AFAP1: variants seen among roughly 807,000 people sequenced by gnomAD.
AFAP1 encodes actin filament-associated protein 1.
AFAP1 carries 75 observed loss-of-function variants against 93.9 expected under a neutral mutation model. The observed-to-expected ratio is 0.80, with a 90% CI of 0.66 to 0.97. AFAP1 has a LOEUF of 0.97. Among genes scored for constraint, AFAP1 ranks in the 50% least tolerant of loss-of-function variants. The pLI, the probability that AFAP1 is intolerant of heterozygous loss-of-function variation, is 0.00. For missense variants in AFAP1, 1,201 were observed against 1,050.8 expected (o/e 1.14, Z -1.98); for synonymous variants, 517 against 430.7 (o/e 1.20, Z -2.48).
At chr4:7,929,033 C>T (rs1720921091) in intron 1 of AFAP1, among the ~76,000 whole-genome samples, 1 of 152,310 alleles carries the variant, frequency 6.6e-6, no homozygotes, top group South Asian at 2.1e-4. Context: ...TGCCTTCCAC[C>T]GTGGTACCAA....
intron 4 of AFAP1, among the ~76,000 whole-genome samples, chr4:7,853,311 C>A (rs1333409077): frequency 2.6e-5 from 4 of 151,532 alleles, no homozygotes; most frequent in Non-Finnish European, 5.9e-5. Context: ...TGGAATCACA[C>A]TTCCCAAAAT....
At chr4:7,932,075 G>A (rs376199159) in intron 1 of AFAP1, among the ~76,000 whole-genome samples, 18 of 151,732 alleles carry the variant, frequency 1.2e-4, no homozygotes, top group African/African-American at 4.4e-4. Flanking sequence ...AACCAGGATG[G>A]TCTCGATCTC....
At chr4:7,869,968 G>A (rs1470220200) in intron 2 of AFAP1, among the ~76,000 whole-genome samples, 1 of 152,204 alleles carries the variant, frequency 6.6e-6, no homozygotes, top group Non-Finnish European at 1.5e-5. Context: ...AGAGACCAGT[G>A]CTGGAGCTCA....
chr4:7,848,099 A>AAG lies in AFAP1; in HGVS notation c.335-4750_335-4749insCT, dbSNP rs1713955569. Among the ~76,000 whole-genome samples the AAG allele has an allele frequency of 2.7e-3, 313 of 116,118 alleles. 1 individual carries two copies. The highest frequency in any genetic ancestry group is 4.2e-3 in the Non-Finnish European group (251 of 60,350). 76.2% of individuals were successfully genotyped at this position (116,118 alleles called of 152,430 possible). Reference sequence around the variant, plus strand: ...TGGACGGAAGGAGGGAGGGAAGGAAAGAAGGAAGGAAGGAAGGAAGGAAGG... The same window carrying AAG: ...TGGACGGAAGGAGGGAGGGAAGGAAAAGGAAGGAAGGAAGGAAGGAAGGAAGG... On this transcript the variant is annotated intron_variant, in intron 4 of 17. Coordinates refer to ENST00000420658, the MANE Select transcript of AFAP1 (RefSeq NM_001134647.2).
intron 3 of AFAP1, 32 bp from the exon 4 acceptor site, chr4:7,855,606 T>A (rs1714961370): frequency 2.7e-6 from 4 of 1,505,980 alleles, no homozygotes; most frequent in Non-Finnish European, 3.7e-6. Context: ...ACACAGAAAT[T>A]AGCATGACCA....
At chr4:7,889,579 T>G (rs1209549803) in intron 1 of AFAP1, among the ~76,000 whole-genome samples, 1 of 143,382 alleles carries the variant, frequency 7.0e-6, no homozygotes, top group Non-Finnish European at 1.5e-5. Flanking sequence ...AAGGCATACA[T>G]ATAAAAACTA....
chr4:7,920,038 T>C (rs1720351943), intron 1 of AFAP1, among the ~76,000 whole-genome samples: 1 of 152,232 alleles, frequency 6.6e-6, no homozygotes, highest in Admixed American at 6.5e-5. Context: ...CTTTAGTCTA[T>C]CATTGATGGG....
chr4:7,819,220 T>G (rs1405575677), intron 6 of AFAP1, 49 bp from the exon 7 acceptor site: 1 of 1,524,862 alleles, frequency 6.6e-7, no homozygotes, highest in African/African-American at 1.4e-5. Flanking sequence ...GCAGAGATAC[T>G]TAAAGGCTTG....
intron 8 of AFAP1, 53 bp downstream of exon 8, chr4:7,815,959 ATTTTTG>A (rs911269064): frequency 1.4e-6 from 2 of 1,468,754 alleles, no homozygotes; most frequent in Admixed American, 2.0e-5. Flanking sequence ...CTGGCTGTAG[ATTTTTG>A]TTTTTGTTTT....
intron 1 of AFAP1, among the ~76,000 whole-genome samples, chr4:7,899,834 C>A (rs1719011145): frequency 8.0e-6 from 1 of 125,406 alleles, no homozygotes; most frequent in Non-Finnish European, 1.9e-5. Flanking sequence ...TCATACTGGC[C>A]ACCTGAGGGG....
intron 1 of AFAP1, among the ~76,000 whole-genome samples, chr4:7,874,847 CATAA>C (rs1358647656): frequency 2.0e-5 from 3 of 151,940 alleles, no homozygotes; most frequent in Admixed American, 2.0e-4. Context: ...AGTTACTTTT[CATAA>C]ATATATATTA....
chr4:7,850,389 A>G (rs762621248), intron 4 of AFAP1, among the ~76,000 whole-genome samples: 6 of 152,208 alleles, frequency 3.9e-5, no homozygotes, highest in Non-Finnish European at 7.3e-5. Flanking sequence ...CCCACACCCC[A>G]TAACATCAGA....
chr4:7,820,820 A>G (rs1420917730), intron 6 of AFAP1, among the ~76,000 whole-genome samples: 2 of 152,124 alleles, frequency 1.3e-5, no homozygotes, highest in Non-Finnish European at 2.9e-5. Context: ...CTTTCTCAGT[A>G]AGACTATCTG....
intron 12 of AFAP1, 138 bp downstream of exon 12, chr4:7,786,056 T>C (rs1717223894): frequency 1.4e-6 from 1 of 703,352 alleles, no homozygotes; most frequent in Non-Finnish European, 2.4e-6. Context: ...AGAACAGAGA[T>C]GAGATGGAGT....
intron 16 of AFAP1, among the ~76,000 whole-genome samples, chr4:7,769,525 G>A (rs771128756): frequency 6.6e-6 from 1 of 152,202 alleles, no homozygotes; most frequent in Non-Finnish European, 1.5e-5. Flanking sequence ...AGTGTTTACG[G>A]CAGCTTCCAT....
rs564080272 is a variant in AFAP1 at position 7,924,621 on chromosome 4, A to G, written c.-3+15035T>C. On this transcript the variant is annotated intron_variant, in intron 1 of 17. Coordinates refer to ENST00000420658, the MANE Select transcript of AFAP1 (RefSeq NM_001134647.2). ...CAGTGTATCCAATTTGTCATTTGAT[A>G]TTTTTACTGACAAGAAAAATGAGGG... Among the ~76,000 whole-genome samples the G allele has an allele frequency of 9.6e-4, 146 of 152,276 alleles. 1 individual carries two copies. The highest frequency in any genetic ancestry group is 3.4e-3 in the African/African-American group (141 of 41,546).
intron 17 of AFAP1, among the ~76,000 whole-genome samples, chr4:7,765,626 G>A (rs186675931): frequency 6.6e-6 from 1 of 152,326 alleles, no homozygotes. Flanking sequence ...ATGGGATTGA[G>A]TTCCAGAAAG....
intron 6 of AFAP1, among the ~76,000 whole-genome samples, chr4:7,830,549 T>C (rs774694057): frequency 6.6e-6 from 1 of 152,208 alleles, no homozygotes; most frequent in Non-Finnish European, 1.5e-5. Context: ...AAAACATGAA[T>C]AAAGTATCAT....
chr4:7,881,639 C>T (rs1332059232), intron 1 of AFAP1, among the ~76,000 whole-genome samples: 5 of 152,070 alleles, frequency 3.3e-5, no homozygotes, highest in East Asian at 1.9e-4. Flanking sequence ...AAAAATTAGC[C>T]GGGCATGGTG....
Sources: allele counts gnomAD v4.1 joint callset (sites outside exome capture counted in the v4.1 genomes callset), GRCh38; gene constraint gnomAD v4.1.1; transcripts MANE v1.5; gene names NCBI Gene and HGNC (gene_info 2026-07-23, HGNC 2026-07-21).